Variants in ZNF134 observed in about 807,000 individuals in gnomAD.
ZNF134 encodes zinc finger protein 134 (clone pHZ-15).
ZNF134 carries 5 observed loss-of-function variants against 2.5 expected under a neutral mutation model. The ratio of observed to expected loss-of-function variants is 2.03; its 90% CI spans 1.06 to 4.27. The LOEUF is 4.27. Ranked by LOEUF, ZNF134 falls within the 30% of genes most tolerant of loss-of-function variation. The probability of loss-of-function intolerance (pLI) is 0.00; values close to 1 mark genes in which losing one functional copy is unlikely to be tolerated. For missense variants in ZNF134, 540 were observed against 517.5 expected (o/e 1.04, Z -0.42); for synonymous variants, 176 against 176.2 (o/e 1.00, Z 0.01).
chr19:57,621,231 CT>C lies in ZNF134; in HGVS notation c.1116del (p.Phe372LeufsTer40). ...AHQRVHTGERPFVCSKCGKDF... is the reference protein window; with the variant it reads ...AHQRVHTGERXFVCSKCGKDF... ...CAGAGGGTTCACACTGGTGAAAGGC[CT>C]TTTGTGTGCAGTAAATGTGGGAAAG... On this transcript the variant is annotated frameshift_variant, in exon 3 of 3. Transcript: ENST00000396161. LOFTEE classifies it low-confidence loss of function (END_TRUNC). 6.2e-7 allele frequency: 1 copy of C among 1,614,156 alleles called. No individual in the cohort carries two copies. The highest frequency in any genetic ancestry group is 2.2e-5 in the East Asian group (1 of 44,864).
rs755357106 is a variant in ZNF134, at chr19:57,620,492, C to T, written c.373C>T (p.Pro125Ser). The stretch of plus-strand genomic sequence containing the variant: ...GAAGAACTGCACAGTTAGCAAAGAA[C>T]CTCATCCGTCAGAGAAGCCCTTTAC... ...IVKNCTVSKE[P>S]HPSEKPFTCK... The change falls in exon 3 of 3, where the codon CCT becomes TCT. Residue 125 changes from proline to serine, a missense_variant. Pro to Ser is a moderately conservative substitution (Grantham distance 74). Transcript: ENST00000396161. The T allele has an allele frequency of 1.2e-6, 2 of 1,614,216 alleles. No individual in the cohort carries two copies. Among genetic ancestry groups the T allele is most frequent in the South Asian group, 1.1e-5 (1 of 91,080 alleles).
chr19:57,620,485 C>G lies in ZNF134; in HGVS notation c.366C>G (p.Ser122Arg), dbSNP rs1247367198. The G allele has an allele frequency of 6.2e-7, 1 of 1,614,174 alleles. No individual in the cohort carries two copies. Among genetic ancestry groups the G allele is most frequent in the Non-Finnish European group, 8.5e-7 (1 of 1,180,034 alleles). ...EASIVKNCTV[S>R]KEPHPSEKPF... ...CAATTGTGAAGAACTGCACAGTTAG[C>G]AAAGAACCTCATCCGTCAGAGAAGC... The change falls in exon 3 of 3, where the codon AGC becomes AGG. Residue 122 changes from serine (S) to arginine (R), a missense_variant. Coordinates refer to ENST00000396161, the MANE Select transcript of ZNF134 (RefSeq NM_003435.5).
At position 57,621,136 on chromosome 19, in the gene ZNF134, T is replaced by G. The variant is rs182828207; in HGVS notation, c.1017T>G (p.Thr339=). The change falls in exon 3 of 3, where the codon ACT becomes ACG. Residue 339 remains threonine (T), a synonymous_variant. Transcript: ENST00000396161. ...TCATTAAACATCAGCGAATTCACACTGAGTCAAAGCCGTTTGAGTGCATTG... is the reference window on the plus strand; with the variant it reads ...TCATTAAACATCAGCGAATTCACACGGAGTCAAAGCCGTTTGAGTGCATTG... ...YTLIKHQRIH[T]ESKPFECIEC... The G allele has an allele frequency of 2.6e-5, 42 of 1,614,254 alleles. No homozygotes were observed. Among genetic ancestry groups the G allele is most frequent in the Non-Finnish European group, 3.4e-5 (40 of 1,180,042 alleles).
rs1014623923 is a variant in ZNF134 at position 57,620,479 on chromosome 19, A to G, written c.360A>G (p.Thr120=). Residue 120 remains threonine (T), a synonymous_variant, in exon 3 of 3, where the codon ACA becomes ACG. Coordinates refer to ENST00000396161, the MANE Select transcript of ZNF134 (RefSeq NM_003435.5). ...KSEASIVKNC[T]VSKEPHPSEK... ...AGGCCTCAATTGTGAAGAACTGCACAGTTAGCAAAGAACCTCATCCGTCAG... is the reference window on the plus strand; with the variant it reads ...AGGCCTCAATTGTGAAGAACTGCACGGTTAGCAAAGAACCTCATCCGTCAG... 8 of 1,614,128 alleles carry G rather than the reference A, an allele frequency of 5.0e-6. No homozygotes were observed. The highest frequency in any genetic ancestry group is 1.7e-5 in the Admixed American group (1 of 60,010).
chr19:57,620,272 T>C lies in ZNF134; in HGVS notation c.153T>C (p.Pro51=). 1 of 1,614,220 alleles carries C rather than the reference T, an allele frequency of 6.2e-7. No individual in the cohort carries two copies. The highest frequency in any genetic ancestry group is 8.5e-7 in the Non-Finnish European group (1 of 1,180,044). The change falls in exon 3 of 3, where the codon CCT becomes CCC. Residue 51 remains proline, a synonymous_variant. Coordinates refer to ENST00000396161, the MANE Select transcript of ZNF134 (RefSeq NM_003435.5). ...KAGLPAQTAL[P]CDICGPILKD... ...GTTTGCCCGCACAGACGGCTCTCCC[T>C]TGTGACATATGTGGCCCCATCTTGA...
In ZNF134 at chr19:57,621,135, C is replaced by G; in HGVS notation, c.1016C>G (p.Thr339Ser). ...YTLIKHQRIH[T>S]ESKPFECIEC... ...CTCATTAAACATCAGCGAATTCACACTGAGTCAAAGCCGTTTGAGTGCATT... is the reference window on the plus strand; with the variant it reads ...CTCATTAAACATCAGCGAATTCACAGTGAGTCAAAGCCGTTTGAGTGCATT... The change falls in exon 3 of 3, where the codon ACT becomes AGT. Residue 339 changes from threonine to serine, a missense_variant. Coordinates refer to ENST00000396161, the MANE Select transcript of ZNF134 (RefSeq NM_003435.5). The G allele has an allele frequency of 6.2e-7, 1 of 1,614,248 alleles. No homozygotes were observed. The highest frequency in any genetic ancestry group is 1.3e-5 in the African/African-American group (1 of 75,074).
Position 57,620,738 on chromosome 19 carries a change from A to G in ZNF134, c.619A>G (p.Ser207Gly). 2 of 1,614,138 alleles carry G rather than the reference A, an allele frequency of 1.2e-6. No individual in the cohort carries two copies. Among genetic ancestry groups the G allele is most frequent in the Non-Finnish European group, 1.7e-6 (2 of 1,179,996 alleles). Residue 207 changes from serine (S) to glycine (G), a missense_variant, in exon 3 of 3, where the codon AGC becomes GGC. Physicochemically the swap from Ser to Gly is moderately conservative, Grantham distance 56. Coordinates refer to ENST00000396161, the MANE Select transcript of ZNF134 (RefSeq NM_003435.5). ...TAGTGGAGAGAAGCCTTATGAGTGC[A>G]GCGAATGTGGGAAAGCCTTCAGCCG... ...IHSGEKPYEC[S>G]ECGKAFSRKA...
Position 57,620,607 on chromosome 19 carries a change from C to T in ZNF134, c.488C>T (p.Thr163Ile), listed in dbSNP as rs779193094. 19 of 1,614,090 alleles carry T rather than the reference C, an allele frequency of 1.2e-5. No homozygotes were observed. Among genetic ancestry groups the T allele is most frequent in the South Asian group, 3.3e-5 (3 of 91,086 alleles). Residue 163 changes from threonine to isoleucine, a missense_variant, in exon 3 of 3, where the codon ACT becomes ATT. Physicochemically the swap from Thr to Ile is moderately conservative, Grantham distance 89. Transcript: ENST00000396161. ...AGTAAGAGGAAGACACACAGGAGCA[C>T]TGAGAGTGGGGATGCATTTCATGGT... ...IHSKRKTHRS[T>I]ESGDAFHGEQ...
chr19:57,615,840 A>C (rs1473433197), intron 1 of ZNF134, among the ~76,000 whole-genome samples: 1 of 152,186 alleles, frequency 6.6e-6, no homozygotes, highest in Admixed American at 6.5e-5. Flanking sequence ...ACAGATGTGA[A>C]TTATTGGTTA....
rs1981317074 is a variant in ZNF134 at position 57,624,318 on chromosome 19, A to G, written c.*2915A>G. 1 of 152,186 alleles carries G rather than the reference A, an allele frequency of 6.6e-6. No homozygotes were observed. The highest frequency in any genetic ancestry group is 2.4e-5 in the African/African-American group (1 of 41,430). 9.4% of individuals were successfully genotyped at this position (152,186 alleles called of 1,614,324 possible). A position where few individuals can be genotyped will look rare whatever the true frequency, so the allele number is the denominator to read the frequency against. On this transcript the variant is annotated 3_prime_UTR_variant, in exon 3 of 3. Coordinates refer to ENST00000396161, the MANE Select transcript of ZNF134 (RefSeq NM_003435.5). The stretch of plus-strand genomic sequence containing the variant: ...GTTTTACAGATCCAAATGAGACAGG[A>G]ATAGCACTGGGTGGTCACAGGAGGA...
rs1599946284 is a variant in ZNF134, at chr19:57,621,755, G to A, written c.*352G>A. 7 of 386,338 alleles carry A rather than the reference G, an allele frequency of 1.8e-5. No individual in the cohort carries two copies. The East Asian group carries it at 4.2e-4, about 23-fold the overall frequency. 23.9% of individuals were successfully genotyped at this position (386,338 alleles called of 1,614,324 possible). ...GACCCATTTTTAGCCAAGAGGGTCT[G>A]AGCTGTATCTGCTGGTGGCTTATAC... On this transcript the variant is annotated 3_prime_UTR_variant, in exon 3 of 3. Coordinates refer to ENST00000396161, the MANE Select transcript of ZNF134 (RefSeq NM_003435.5).
At position 57,621,162 on chromosome 19, in the gene ZNF134, A is replaced by C; in HGVS notation, c.1043A>C (p.Glu348Ala). 1 of 1,614,250 alleles carries C rather than the reference A, an allele frequency of 6.2e-7. No homozygotes were observed. The highest frequency in any genetic ancestry group is 8.5e-7 in the Non-Finnish European group (1 of 1,180,038). ...HTESKPFECI[E>A]CGKFFSRSSD... ...GAGTCAAAGCCGTTTGAGTGCATTG[A>C]ATGCGGGAAATTCTTTAGTCGAAGT... Residue 348 changes from glutamate to alanine, a missense_variant, in exon 3 of 3, where the codon GAA becomes GCA. By Grantham distance (107) the Glu-to-Ala change is moderately radical. Coordinates refer to ENST00000396161, the MANE Select transcript of ZNF134 (RefSeq NM_003435.5).
chr19:57,614,459 C>A lies in ZNF134; in HGVS notation c.-102C>A. Reference sequence around the variant, plus strand: ...GGACCCCCTCGCGGCTCCGGGTGGTCTACGAACTGTGATGGCGGCGGCCGC... The same window carrying A: ...GGACCCCCTCGCGGCTCCGGGTGGTATACGAACTGTGATGGCGGCGGCCGC... On this transcript the variant is annotated 5_prime_UTR_variant, in exon 1 of 3. Transcript: ENST00000396161. The A allele has an allele frequency of 2.3e-6, 1 of 426,972 alleles. No individual in the cohort carries two copies. The highest frequency in any genetic ancestry group is 1.6e-5 in the South Asian group (1 of 61,388). The allele number at this position is 426,972 out of a possible 1,614,324, so 26.4% of individuals were successfully genotyped here.
In ZNF134 at chr19:57,620,798, A is replaced by C; in HGVS notation, c.679A>C (p.Thr227Pro). Reference sequence around the variant, plus strand: ...ACTTGTCCAGCATCAGAGAATCCATACTGGAGAAAGGCCTTATGAATGCAG... The same window carrying C: ...ACTTGTCCAGCATCAGAGAATCCATCCTGGAGAAAGGCCTTATGAATGCAG... ...ATLVQHQRIH[T>P]GERPYECSEC... Residue 227 changes from threonine to proline, a missense_variant, in exon 3 of 3, where the codon ACT (threonine) becomes CCT (proline). Physicochemically the swap from Thr to Pro is conservative, Grantham distance 38. Transcript: ENST00000396161. 1 of 1,614,244 alleles carries C rather than the reference A, an allele frequency of 6.2e-7. No homozygotes were observed.
At position 57,621,715 on chromosome 19, in the gene ZNF134, T is replaced by C. The variant is rs1195973057; in HGVS notation, c.*312T>C. ...TCCTCATTCCCTTCTGTATGACAGGTATAGGTATGGATATGACCCATTTTT... is the reference window on the plus strand; with the variant it reads ...TCCTCATTCCCTTCTGTATGACAGGCATAGGTATGGATATGACCCATTTTT... On this transcript the variant is annotated 3_prime_UTR_variant, in exon 3 of 3. Coordinates refer to ENST00000396161, the MANE Select transcript of ZNF134 (RefSeq NM_003435.5). The C allele has an allele frequency of 1.0e-5, 5 of 477,486 alleles. No homozygotes were observed. The highest frequency in any genetic ancestry group is 3.8e-5 in the South Asian group (2 of 52,398). The allele number at this position is 477,486 out of a possible 1,614,324, so 29.6% of individuals were successfully genotyped here.
In ZNF134 at chr19:57,623,814, A is replaced by C. The variant is rs145046260; in HGVS notation, c.*2411A>C. The C allele has an allele frequency of 1.1e-4, 16 of 152,326 alleles. No homozygotes were observed. The highest frequency in any genetic ancestry group is 3.8e-4 in the African/African-American group (16 of 41,582). 9.4% of individuals were successfully genotyped at this position (152,326 alleles called of 1,614,324 possible). A position where few individuals can be genotyped will look rare whatever the true frequency, so the allele number is the denominator to read the frequency against. On this transcript the variant is annotated 3_prime_UTR_variant, in exon 3 of 3. Transcript: ENST00000396161. ...ATAGATAGGGGATTCCCTAGGAGGA[A>C]TAATCTGCATAAACCTCTTTTCTAA...
rs896959668 is a variant in ZNF134, at chr19:57,622,821, G to C, written c.*1418G>C. Reference sequence around the variant, plus strand: ...CCATAGTGAGGTAGAGTCACTCTTAGTGATGTCCAGTTGTCCAGTTTCCAA... The same window carrying C: ...CCATAGTGAGGTAGAGTCACTCTTACTGATGTCCAGTTGTCCAGTTTCCAA... On this transcript the variant is annotated 3_prime_UTR_variant, in exon 3 of 3. Transcript: ENST00000396161. 4 of 152,276 alleles carry C rather than the reference G, an allele frequency of 2.6e-5. No homozygotes were observed. The highest frequency in any genetic ancestry group is 1.9e-4 in the East Asian group (1 of 5,190). 9.4% of individuals were successfully genotyped at this position (152,276 alleles called of 1,614,324 possible). A position where few individuals can be genotyped will look rare whatever the true frequency, so the allele number is the denominator to read the frequency against.
intron 1 of ZNF134, 146 bp from the exon 2 acceptor site, chr19:57,619,266 T>C (rs1257277858): frequency 4.6e-6 from 3 of 650,802 alleles, no homozygotes; most frequent in South Asian, 3.7e-5. Flanking sequence ...TGGTCACCAC[T>C]TGTGGGCCCA....
chr19:57,616,634 T>TA (rs1423438436), intron 1 of ZNF134, among the ~76,000 whole-genome samples: 5 of 152,154 alleles, frequency 3.3e-5, no homozygotes, highest in African/African-American at 1.2e-4. Flanking sequence ...TATCTGAAGT[T>TA]AGAGAGGTAA....
Sources: gnomAD v4.1 joint callset for allele counts (sites outside exome capture counted in the v4.1 genomes callset) on GRCh38, gnomAD v4.1.1 for gene constraint, MANE v1.5 for transcripts, NCBI Gene and HGNC (gene_info 2026-07-23, HGNC 2026-07-21) for gene names.